The following TRDN variants were observed in gnomAD, a reference collection of about 807,000 sequenced individuals.
The protein encoded by TRDN is triadin in skeletal muscle.
TRDN carries 161 observed loss-of-function variants against 149.7 expected under a neutral mutation model. The ratio of observed to expected loss-of-function variants is 1.08; its 90% CI spans 0.95 to 1.23. TRDN has a LOEUF of 1.23. Among genes scored for constraint, TRDN ranks in the 50% most tolerant of loss-of-function variants. The pLI, the probability that TRDN is intolerant of heterozygous loss-of-function variation, is 0.00. For synonymous variants in TRDN, 294 were observed against 250.5 expected (o/e 1.17, Z -1.64); for missense variants, 896 against 823.5 (o/e 1.09, Z -1.08).
intron 38 of TRDN, among the ~76,000 whole-genome samples, chr6:123,244,969 C>T (rs907106825): frequency 6.6e-6 from 1 of 152,128 alleles, no homozygotes; most frequent in Non-Finnish European, 1.5e-5. Flanking sequence ...CAATTTTCAA[C>T]CCAGAATTGC....
rs545727703 is a variant in TRDN, at chr6:123,338,106, T to C, written c.1370-437A>G. On this transcript the variant is annotated intron_variant, in intron 21 of 40. Coordinates refer to ENST00000334268, the MANE Select transcript of TRDN (RefSeq NM_006073.4). ...TAAATAACTTTCCAAGATCTTTAAA[T>C]AGGAGACCTTGGATTTGAACCACTA... 4.6e-5 allele frequency among the ~76,000 whole-genome samples: 7 copies of C among 152,310 alleles called. No individual in the cohort carries two copies. The South Asian group carries it at 1.5e-3, about 32-fold the overall frequency.
At chr6:123,359,152 A>G (rs1377481865) in intron 20 of TRDN, among the ~76,000 whole-genome samples, 2 of 152,162 alleles carry the variant, frequency 1.3e-5, no homozygotes, top group Non-Finnish European at 2.9e-5. Flanking sequence ...TGGAAAGTGG[A>G]AACAGAGGTT....
chr6:123,287,949 T>TTATTATATTTTC (rs1306774423), intron 24 of TRDN, among the ~76,000 whole-genome samples: 1 of 151,974 alleles, frequency 6.6e-6, no homozygotes, highest in African/African-American at 2.4e-5. Context: ...TTTATTATAG[T>TTATTATATTTTC]TATTATATTT....
intron 20 of TRDN, among the ~76,000 whole-genome samples, chr6:123,360,917 A>G (rs1399656232): frequency 6.6e-6 from 1 of 152,176 alleles, no homozygotes; most frequent in African/African-American, 2.4e-5. Flanking sequence ...AGAAGGAGAA[A>G]CACTACCTCT....
chr6:123,612,333 A>G (rs2114682717), intron 1 of TRDN, among the ~76,000 whole-genome samples: 1 of 151,326 alleles, frequency 6.6e-6, no homozygotes, highest in African/African-American at 2.4e-5. Context: ...TGGGTGCAGC[A>G]CACCAACATG....
intron 9 of TRDN, among the ~76,000 whole-genome samples, chr6:123,494,518 T>C (rs765355900): frequency 1.3e-5 from 2 of 152,240 alleles, no homozygotes; most frequent in African/African-American, 2.4e-5. Flanking sequence ...AGAAAACAGA[T>C]AATTTTCTTC....
intron 16 of TRDN, among the ~76,000 whole-genome samples, chr6:123,379,603 A>G (rs771976126): frequency 1.3e-5 from 2 of 152,214 alleles, no homozygotes; most frequent in Non-Finnish European, 2.9e-5. Context: ...CCAGCTATAC[A>G]TAAGATTAAA....
At chr6:123,583,473 G>A (rs1562404995) in intron 1 of TRDN, among the ~76,000 whole-genome samples, 1 of 151,854 alleles carries the variant, frequency 6.6e-6, no homozygotes, top group Non-Finnish European at 1.5e-5. Context: ...TTTTAAGTTG[G>A]TGGCTGAGCT....
chr6:123,393,656 G>C lies in TRDN; in HGVS notation c.1073C>G (p.Thr358Ser). The C allele has an allele frequency of 6.2e-7, 1 of 1,606,738 alleles. No homozygotes were observed. Among genetic ancestry groups the C allele is most frequent in the African/African-American group, 1.3e-5 (1 of 74,786 alleles). The change falls in exon 13 of 41, where the codon ACC (threonine) becomes AGC (serine). Residue 358 changes from threonine to serine, a missense_variant. By Grantham distance (58) the Thr-to-Ser change is moderately conservative (BLOSUM62 1). Coordinates refer to ENST00000334268, the MANE Select transcript of TRDN (RefSeq NM_006073.4). ...EKKEPGKASETKQGTVKIAAQ... is the reference protein window; with the variant it reads ...EKKEPGKASESKQGTVKIAAQ... Reference sequence around the variant, plus strand: ...TGCAATTTTTACAGTCCCTTGTTTGGTTTCAGAAGCTTTTCCCGGCTCTTG... The same window carrying C: ...TGCAATTTTTACAGTCCCTTGTTTGCTTTCAGAAGCTTTTCCCGGCTCTTG...
intron 38 of TRDN, among the ~76,000 whole-genome samples, chr6:123,233,182 T>G (rs916054201): frequency 6.6e-6 from 1 of 152,052 alleles, no homozygotes; most frequent in African/African-American, 2.4e-5. Flanking sequence ...TTTCTAAGAG[T>G]TCACATTTTC....
At chr6:123,368,845 C>T (rs1403698235) in intron 19 of TRDN, among the ~76,000 whole-genome samples, 1 of 152,126 alleles carries the variant, frequency 6.6e-6, no homozygotes, top group Non-Finnish European at 1.5e-5. Context: ...GCCACTTTCT[C>T]ATTTTTCAAG....
intron 38 of TRDN, among the ~76,000 whole-genome samples, chr6:123,224,386 T>G (rs954068857): frequency 6.6e-6 from 1 of 151,748 alleles, no homozygotes; most frequent in African/African-American, 2.4e-5. Context: ...AGGCTTGTGG[T>G]GACCTCCAAC....
At chr6:123,227,560 A>G (rs1775424210) in intron 38 of TRDN, among the ~76,000 whole-genome samples, 1 of 151,938 alleles carries the variant, frequency 6.6e-6, no homozygotes, top group Non-Finnish European at 1.5e-5. Context: ...GATATGCATC[A>G]AGTTAATGGG....
intron 4 of TRDN, among the ~76,000 whole-genome samples, chr6:123,541,697 T>C (rs111633251): frequency 0.021 from 3,259 of 152,284 alleles, 130 homozygotes; most frequent in African/African-American, 0.074. Context: ...AAGATAAATG[T>C]ATACTTAACA....
At chr6:123,554,058 C>T (rs1054644694) in intron 2 of TRDN, among the ~76,000 whole-genome samples, 19 of 152,154 alleles carry the variant, frequency 1.2e-4, no homozygotes, top group Admixed American at 3.3e-4. Flanking sequence ...GCCCTCATAG[C>T]GAACCTTGGT....
intron 30 of TRDN, 111 bp from the exon 31 acceptor site, chr6:123,269,977 C>T (rs2114610868): frequency 1.0e-6 from 1 of 988,032 alleles, no homozygotes; most frequent in South Asian, 2.0e-5. Flanking sequence ...ACCTCCTTAG[C>T]TTAAACTTAA....
chr6:123,323,719 C>T (rs1044678128), intron 23 of TRDN, among the ~76,000 whole-genome samples: 5 of 152,176 alleles, frequency 3.3e-5, no homozygotes, highest in Admixed American at 2.0e-4. Flanking sequence ...AGAATAAATG[C>T]ATACATTGTC....
At chr6:123,547,575 T>C (rs1781178066) in intron 3 of TRDN, among the ~76,000 whole-genome samples, 1 of 152,132 alleles carries the variant, frequency 6.6e-6, no homozygotes, top group Non-Finnish European at 1.5e-5. Context: ...TTCATTTTTA[T>C]GAATTCAATA....
chr6:123,274,128 G>T (rs1488713199), intron 27 of TRDN, among the ~76,000 whole-genome samples: 1 of 152,026 alleles, frequency 6.6e-6, no homozygotes. Flanking sequence ...ATTAAGTATA[G>T]GTAATAATGG....
Sources: allele counts gnomAD v4.1 joint callset (sites outside exome capture counted in the v4.1 genomes callset), GRCh38; gene constraint gnomAD v4.1.1; transcripts MANE v1.5; gene names NCBI Gene and HGNC (gene_info 2026-07-23, HGNC 2026-07-21).